BNC2: variants seen among roughly 807,000 people sequenced by gnomAD.
BNC2 encodes basonuclin zinc finger protein 2, also known as zinc finger protein basonuclin-2.
A neutral mutation model predicts 76.3 loss-of-function variants in BNC2; 20 were observed. The ratio of observed to expected loss-of-function variants is 0.26; its 90% confidence interval spans 0.18 to 0.38. The LOEUF is 0.38. BNC2 is among the 10% of genes least tolerant of loss of function. BNC2 has a pLI of 1.00. For synonymous variants in BNC2, 582 were observed against 514.8 expected (o/e 1.13, Z -1.77); for missense variants, 1,382 against 1,399.8 (o/e 0.99, Z 0.20).
At chr9:16,618,590 T>A (rs1441443161) in intron 3 of BNC2, among the ~76,000 whole-genome samples, 1 of 152,108 alleles carries the variant, frequency 6.6e-6, no homozygotes, top group South Asian at 2.1e-4. Flanking sequence ...TAATATACCC[T>A]AGGATAAAAG....
intron 5 of BNC2, among the ~76,000 whole-genome samples, chr9:16,446,728 T>C (rs542944082): frequency 1.1e-4 from 16 of 152,274 alleles, no homozygotes; most frequent in Non-Finnish European, 1.8e-4. Flanking sequence ...TAGAGTACTA[T>C]GCCTTTTTTC....
chr9:16,746,961 C>A (rs76206964), intron 1 of BNC2, among the ~76,000 whole-genome samples: 64 of 138,716 alleles, frequency 4.6e-4, no homozygotes, highest in Admixed American at 5.8e-4. Context: ...GACTCCATCT[C>A]AAAAAAAAAA....
chr9:16,575,120 T>C (rs1432420773), intron 4 of BNC2: 1 of 264,112 alleles, frequency 3.8e-6, no homozygotes, highest in African/African-American at 2.3e-5. Flanking sequence ...GGAGCTATCA[T>C]CACTCACATT....
At chr9:16,806,854 T>C (rs1171735754) in intron 1 of BNC2, among the ~76,000 whole-genome samples, 6 of 152,170 alleles carry the variant, frequency 3.9e-5, no homozygotes, top group Non-Finnish European at 8.8e-5. Context: ...TGAATTAAAC[T>C]GAGAATAGAA....
intron 3 of BNC2, among the ~76,000 whole-genome samples, chr9:16,672,912 C>T (rs865901790): frequency 6.6e-6 from 1 of 152,134 alleles, no homozygotes; most frequent in Non-Finnish European, 1.5e-5. Flanking sequence ...ACCAACTTCA[C>T]GGAGTCAAAG....
At chr9:16,717,171 C>T (rs1824016194) in intron 3 of BNC2, among the ~76,000 whole-genome samples, 1 of 151,918 alleles carries the variant, frequency 6.6e-6, no homozygotes. Context: ...TCTCCGCACC[C>T]CTTTCACACT....
Position 16,419,572 on chromosome 9 carries a change from G to T in BNC2, c.2717C>A (p.Pro906His). 6.2e-7 allele frequency: 1 copy of T among 1,613,140 alleles called. No individual in the cohort carries two copies. The highest frequency in any genetic ancestry group is 8.5e-7 in the Non-Finnish European group (1 of 1,179,734). Residue 906 changes from proline (P) to histidine (H), a missense_variant, in exon 7 of 7, where the codon CCC becomes CAC. Pro to His is a moderately conservative substitution (Grantham distance 77). Around this residue, in one of 3 missense-constraint regions of BNC2, gnomAD observed 798 missense variants for 775.5 expected, o/e 1.03. Transcript: ENST00000380672. ...LDDMGLDSSQ[P>H]SLSKDLRDEF... is the part of the protein sequence containing the mutation. ...ATCGCGGAGGTCCTTGCTAAGGGAG[G>T]GCTGCGACGAGTCCAGGCCCATGTC... is the stretch of plus-strand genomic sequence containing the variant.
chr9:16,582,914 C>T (rs1173912572), intron 4 of BNC2, 69 bp downstream of exon 4: 6 of 1,109,826 alleles, frequency 5.4e-6, no homozygotes. Context: ...CACACACACA[C>T]ACACACACAC....
intron 4 of BNC2, among the ~76,000 whole-genome samples, chr9:16,566,918 A>C (rs1021106479): frequency 6.6e-6 from 1 of 152,238 alleles, no homozygotes. Context: ...AAAAGCTTTA[A>C]CTGCAAGATA....
intron 1 of BNC2, among the ~76,000 whole-genome samples, chr9:16,860,488 A>AAGAATAAAGAATTC (rs1819371458): frequency 6.6e-6 from 1 of 152,216 alleles, no homozygotes. Flanking sequence ...TCCACATTCA[A>AAGAATAAAGAATTC]AAGAATAAAG....
At chr9:16,812,261 G>A (rs1276717712) in intron 1 of BNC2, among the ~76,000 whole-genome samples, 2 of 152,238 alleles carry the variant, frequency 1.3e-5, no homozygotes, top group African/African-American at 2.4e-5. Flanking sequence ...TGCTTGCGCT[G>A]GGGCTTCTTC....
At chr9:16,868,625 T>G (rs1333018906) in intron 1 of BNC2, among the ~76,000 whole-genome samples, 1 of 152,240 alleles carries the variant, frequency 6.6e-6, no homozygotes, top group Admixed American at 6.5e-5. Flanking sequence ...TTCAAGCTCG[T>G]TATTACTTCC....
intron 1 of BNC2, among the ~76,000 whole-genome samples, chr9:16,816,683 C>A (rs1362081293): frequency 6.6e-6 from 1 of 152,166 alleles, no homozygotes; most frequent in African/African-American, 2.4e-5. Context: ...CAAGGGCAAA[C>A]AGGACACAAT....
chr9:16,672,242 A>C (rs1822498588), intron 3 of BNC2, among the ~76,000 whole-genome samples: 1 of 152,224 alleles, frequency 6.6e-6, no homozygotes, highest in South Asian at 2.1e-4. Context: ...TCATGCCTGT[A>C]ATCCCAGCAC....
intron 5 of BNC2, among the ~76,000 whole-genome samples, chr9:16,490,821 T>C (rs750952133): frequency 6.6e-6 from 1 of 152,138 alleles, no homozygotes; most frequent in African/African-American, 2.4e-5. Context: ...CACAACTACA[T>C]AACAATAAAA....
intron 4 of BNC2, among the ~76,000 whole-genome samples, chr9:16,559,399 G>T (rs1210396513): frequency 6.6e-6 from 1 of 152,164 alleles, no homozygotes; most frequent in Non-Finnish European, 1.5e-5. Flanking sequence ...TGTTCTAGGG[G>T]CTATTAGCTC....
At chr9:16,568,666 G>C (rs979979116) in intron 4 of BNC2, among the ~76,000 whole-genome samples, 1 of 152,212 alleles carries the variant, frequency 6.6e-6, no homozygotes, top group South Asian at 2.1e-4. Context: ...TCAAGGCAAA[G>C]ACTTAGTCTA....
intron 1 of BNC2, among the ~76,000 whole-genome samples, chr9:16,765,153 C>A (rs909153310): frequency 2.0e-5 from 3 of 151,984 alleles, no homozygotes; most frequent in Non-Finnish European, 4.4e-5. Context: ...TATTCTAGAC[C>A]CATTTGAGGG....
chr9:16,631,785 G>C (rs1386281405), intron 3 of BNC2, among the ~76,000 whole-genome samples: 1 of 152,160 alleles, frequency 6.6e-6, no homozygotes, highest in Non-Finnish European at 1.5e-5. Context: ...AACACACAGA[G>C]ATTTCCAGAG....
Sources: allele counts gnomAD v4.1 joint callset (sites outside exome capture counted in the v4.1 genomes callset), GRCh38; gene constraint gnomAD v4.1.1; regional missense constraint gnomAD v4.1.1; transcripts MANE v1.5; gene names NCBI Gene and HGNC (gene_info 2026-07-23, HGNC 2026-07-21).